MED12L: variants seen among roughly 807,000 people sequenced by gnomAD.
MED12L encodes the protein mediator of RNA polymerase II transcription subunit 12-like protein.
A neutral mutation model predicts 281.3 loss-of-function variants in MED12L; 60 were observed. That is an observed-to-expected ratio of 0.21 (90% CI 0.17 to 0.26). MED12L has a LOEUF of 0.26. MED12L is among the 10% of genes least tolerant of loss of function. MED12L has a pLI of 1.00. For missense variants in MED12L, 2,146 were observed against 2,680.9 expected, an observed-to-expected ratio of 0.80 and a Z score of 4.41; for synonymous variants, 974 against 987.2, an observed-to-expected ratio of 0.99 and a Z score of 0.25.
chr3:151,115,930 C>A (rs1030322894), intron 2 of MED12L, among the ~76,000 whole-genome samples: 1 of 151,414 alleles, frequency 6.6e-6, no homozygotes, highest in African/African-American at 2.4e-5. Context: ...TCGTGGCAGG[C>A]GACTGTATGT....
rs748548717 is a variant in MED12L at position 151,156,183 on chromosome 3, A to G, written c.579A>G (p.Arg193=). 1 of 1,611,158 alleles carries G rather than the reference A, an allele frequency of 6.2e-7. No homozygotes were observed. The highest frequency in any genetic ancestry group is 8.5e-7 in the Non-Finnish European group (1 of 1,178,996). ...CAGAGTGGACACAGATATCTACCAGATATCTTCGAGAGCAGTTGGCCAAGA... is the reference window on the plus strand; with the variant it reads ...CAGAGTGGACACAGATATCTACCAGGTATCTTCGAGAGCAGTTGGCCAAGA... The part of the protein sequence containing the change: ...PNLEWTQIST[R]YLREQLAKIS... The change falls in exon 6 of 45, where the codon AGA becomes AGG. Residue 193 remains arginine (R), a synonymous_variant. Transcript: ENST00000687756.
chr3:151,375,172 C>T (rs1435577909), intron 27 of MED12L, among the ~76,000 whole-genome samples: 1 of 152,130 alleles, frequency 6.6e-6, no homozygotes, highest in African/African-American at 2.4e-5. Flanking sequence ...ATTTGGGTGC[C>T]ACCACCTGAG....
chr3:151,333,068 A>T (rs376653082), intron 16 of MED12L, among the ~76,000 whole-genome samples: 1 of 152,186 alleles, frequency 6.6e-6, no homozygotes, highest in Non-Finnish European at 1.5e-5. Flanking sequence ...GTTGCAAAGG[A>T]CACGATCTCT....
intron 5 of MED12L, among the ~76,000 whole-genome samples, chr3:151,155,067 G>C (rs977304390): frequency 1.3e-5 from 2 of 152,090 alleles, no homozygotes; most frequent in South Asian, 4.1e-4. Context: ...TAATTTTAAG[G>C]GTATTTAAAA....
At chr3:151,177,648 C>T (rs899579661) in intron 11 of MED12L, among the ~76,000 whole-genome samples, 4 of 149,444 alleles carry the variant, frequency 2.7e-5, no homozygotes, top group African/African-American at 1.0e-4. Flanking sequence ...CACTACCATG[C>T]CTGGCTTTTT....
chr3:151,157,905 T>C (rs1719490166), intron 6 of MED12L, among the ~76,000 whole-genome samples: 1 of 152,218 alleles, frequency 6.6e-6, no homozygotes, highest in Non-Finnish European at 1.5e-5. Flanking sequence ...TGTTTCTTTC[T>C]TTCATTCTGT....
intron 5 of MED12L, among the ~76,000 whole-genome samples, chr3:151,144,508 T>G (rs2148882065): frequency 6.6e-6 from 1 of 152,300 alleles, no homozygotes; most frequent in East Asian, 1.9e-4. Flanking sequence ...CTCTCCCCTA[T>G]TTTTGTATCC....
intron 13 of MED12L, 31 bp from the exon 14 acceptor site, chr3:151,190,685 AG>A: frequency 6.2e-7 from 1 of 1,601,546 alleles, no homozygotes; most frequent in Non-Finnish European, 8.6e-7. Flanking sequence ...CACCTGCTCA[AG>A]GAATTCTTGA....
intron 16 of MED12L, among the ~76,000 whole-genome samples, chr3:151,290,281 T>C (rs1324270259): frequency 2.0e-5 from 3 of 152,244 alleles, no homozygotes; most frequent in Admixed American, 6.5e-5. Flanking sequence ...TTTAATTCTG[T>C]ATCTTGAGTT....
intron 5 of MED12L, among the ~76,000 whole-genome samples, chr3:151,145,616 T>C (rs1717657218): frequency 6.6e-6 from 1 of 152,216 alleles, no homozygotes; most frequent in African/African-American, 2.4e-5. Flanking sequence ...TGAAGGAAGT[T>C]AACATTTGGC....
At chr3:151,346,380 A>C (rs554428912) in intron 16 of MED12L, among the ~76,000 whole-genome samples, 1 of 152,210 alleles carries the variant, frequency 6.6e-6, no homozygotes, top group Admixed American at 6.5e-5. Flanking sequence ...CTTTCCTCTC[A>C]AGCTGTTGTT....
At chr3:151,204,056 C>A (rs1386967704) in intron 16 of MED12L, among the ~76,000 whole-genome samples, 3 of 152,138 alleles carry the variant, frequency 2.0e-5, no homozygotes, top group Admixed American at 2.0e-4. Context: ...TTGAAAGAAG[C>A]CTAGCATGCT....
intron 16 of MED12L, chr3:151,212,721 C>A (rs529733460): frequency 6.6e-6 from 1 of 152,068 alleles, no homozygotes; most frequent in Admixed American, 6.6e-5. Context: ...TATTCCTCTT[C>A]CTTTGCAGTG....
intron 2 of MED12L, among the ~76,000 whole-genome samples, chr3:151,106,953 C>T (rs1722150833): frequency 6.6e-6 from 1 of 152,100 alleles, no homozygotes; most frequent in African/African-American, 2.4e-5. Context: ...TAGTTGGGCT[C>T]TACTTTTTTA....
At chr3:151,244,767 C>T (rs1165107416) in intron 16 of MED12L, among the ~76,000 whole-genome samples, 3 of 151,962 alleles carry the variant, frequency 2.0e-5, no homozygotes, top group South Asian at 2.1e-4. Context: ...TAACTAAAAT[C>T]GGAGCAGAAC....
intron 16 of MED12L, among the ~76,000 whole-genome samples, chr3:151,333,591 C>T (rs566590706): frequency 9.9e-5 from 15 of 152,206 alleles, no homozygotes; most frequent in Middle Eastern, 6.8e-3. Flanking sequence ...TAGTTTTTCT[C>T]TATTAAAAAC....
chr3:151,232,971 T>G (rs192038998), intron 16 of MED12L, among the ~76,000 whole-genome samples: 33 of 152,322 alleles, frequency 2.2e-4, no homozygotes, highest in Admixed American at 2.2e-3. Flanking sequence ...CAAAATTTTC[T>G]TTTCACCTTT....
intron 2 of MED12L, among the ~76,000 whole-genome samples, chr3:151,107,130 AT>A (rs1722174794): frequency 1.3e-5 from 2 of 150,898 alleles, no homozygotes; most frequent in African/African-American, 4.9e-5. Context: ...TATTTTAAAA[AT>A]AACTTTTGTT....
At chr3:151,190,655 A>G in intron 13 of MED12L, 62 bp from the exon 14 acceptor site, 1 of 1,383,576 alleles carries the variant, frequency 7.2e-7, no homozygotes, top group African/African-American at 1.4e-5. Context: ...ATTAAGCCTT[A>G]GTAATTAGTT....
Sources: allele counts gnomAD v4.1 joint callset (sites outside exome capture counted in the v4.1 genomes callset), GRCh38; gene constraint gnomAD v4.1.1; transcripts MANE v1.5; gene names NCBI Gene and HGNC (gene_info 2026-07-23, HGNC 2026-07-21).